The following THSD1 variants were observed in gnomAD, a reference collection of about 807,000 sequenced individuals.
The protein encoded by THSD1 is thrombospondin type 1 domain containing 1.
Under a neutral mutation model 46.3 loss-of-function variants are expected in THSD1, and 34 were observed. The ratio of observed to expected loss-of-function variants is 0.74; its 90% CI spans 0.56 to 0.98. The LOEUF is 0.98. Among genes scored for constraint, THSD1 ranks in the 50% least tolerant of loss-of-function variants. The probability of loss-of-function intolerance (pLI) is 0.00; values close to 1 mark genes in which losing one functional copy is unlikely to be tolerated. For missense variants in THSD1, 1,023 were observed against 1,058.3 expected, an observed-to-expected ratio of 0.97 and a Z score of 0.46; for synonymous variants, 407 against 416.5, an observed-to-expected ratio of 0.98 and a Z score of 0.28.
chr13:52,397,456 G>T lies in THSD1; in HGVS notation c.797C>A (p.Thr266Asn). 1.2e-6 allele frequency: 2 copies of T among 1,614,118 alleles called. No homozygotes were observed. The highest frequency in any genetic ancestry group is 1.7e-6 in the Non-Finnish European group (2 of 1,180,034). ...VEVTVLPPPCTFVQGVVTVFK... is the reference protein window; with the variant it reads ...VEVTVLPPPCNFVQGVVTVFK... Reference sequence around the variant, plus strand: ...GACAGTGACCACTCCTTGGACGAAGGTGCATGGTGGAGGCAGCACTGTCAC... The same window carrying T: ...GACAGTGACCACTCCTTGGACGAAGTTGCATGGTGGAGGCAGCACTGTCAC... The change falls in exon 3 of 5, where the codon ACC (threonine) becomes AAC (asparagine). Residue 266 changes from threonine (T) to asparagine (N), a missense_variant. Physicochemically the swap from Thr to Asn is moderately conservative, Grantham distance 65. This residue lies in a region of THSD1 where 429 missense variants were observed against 518.3 expected (regional missense o/e 0.83). Coordinates refer to ENST00000258613, the MANE Select transcript of THSD1 (RefSeq NM_018676.4).
chr13:52,382,032 T>G (rs1957697006), intron 4 of THSD1, among the ~76,000 whole-genome samples: 1 of 152,198 alleles, frequency 6.6e-6, no homozygotes, highest in South Asian at 2.1e-4. Context: ...TCTCTCTCCC[T>G]TTTGGTTTCA....
chr13:52,398,818 C>CT (rs60799430), intron 2 of THSD1, among the ~76,000 whole-genome samples: 2,029 of 152,212 alleles, frequency 0.013, 31 homozygotes, highest in African/African-American at 0.039. Context: ...ATCAAAGATT[C>CT]TGGTGTTTAG....
chr13:52,380,064 C>T (rs2137723644), intron 4 of THSD1, among the ~76,000 whole-genome samples: 1 of 152,244 alleles, frequency 6.6e-6, no homozygotes, highest in Non-Finnish European at 1.5e-5. Context: ...GCCATCCACT[C>T]CCCTTCCTAC....
At chr13:52,388,809 G>T (rs1425188670) in intron 3 of THSD1, among the ~76,000 whole-genome samples, 3 of 152,034 alleles carry the variant, frequency 2.0e-5, no homozygotes, top group African/African-American at 7.2e-5. Flanking sequence ...CATATATAAA[G>T]TAAAATTATG....
At chr13:52,402,274 A>C (rs1281441319) in intron 2 of THSD1, among the ~76,000 whole-genome samples, 2 of 152,240 alleles carry the variant, frequency 1.3e-5, no homozygotes, top group Non-Finnish European at 2.9e-5. Flanking sequence ...ACTCAAGGTA[A>C]CATGCTTGCC....
Position 52,377,742 on chromosome 13 carries a change from T to C in THSD1, c.2228A>G (p.His743Arg), listed in dbSNP as rs746731554. Residue 743 changes from histidine (H) to arginine (R), a missense_variant, in exon 5 of 5, where the codon CAC (histidine) becomes CGC (arginine). By Grantham distance (29) the His-to-Arg change is conservative (BLOSUM62 0). Coordinates refer to ENST00000258613, the MANE Select transcript of THSD1 (RefSeq NM_018676.4). ...AATTCCGGCCACTAATCCTGCCTGG[T>C]GATCCCCAAGGTCTGGTTTCCTCAA... ...QPLRKPDLGD[H>R]QAGLVAGIER... 7.4e-6 allele frequency: 12 copies of C among 1,613,828 alleles called. No individual in the cohort carries two copies. Among genetic ancestry groups the C allele is most frequent in the South Asian group, 2.2e-5 (2 of 91,068 alleles).
At chr13:52,388,733 G>A (rs1173792271) in intron 3 of THSD1, among the ~76,000 whole-genome samples, 3 of 151,974 alleles carry the variant, frequency 2.0e-5, no homozygotes, top group African/African-American at 4.8e-5. Flanking sequence ...TGCCCACCTC[G>A]GCCTCCCAAA....
rs573558706 is a variant in THSD1, at chr13:52,378,638, C to T, written c.1332G>A (p.Lys444=). ...AGTTGTGTCGAGCAGGTGTGCTGCA[C>T]TTGGCTGGCCGGCCGAACCTCCTCC... ...TLWRRFGRPA[K]CSTPARHNSI... is the part of the protein sequence containing the mutation. Residue 444 remains lysine (K), a synonymous_variant, in exon 5 of 5, where the codon AAG becomes AAA. Transcript: ENST00000258613. 2.6e-4 allele frequency: 413 copies of T among 1,614,100 alleles called. 4 individuals carry two copies. In the South Asian group the frequency reaches 4.1e-3, roughly 16 times the overall value.
intron 3 of THSD1, among the ~76,000 whole-genome samples, chr13:52,389,894 C>T (rs761657198): frequency 9.2e-5 from 14 of 152,110 alleles, no homozygotes; most frequent in Non-Finnish European, 2.1e-4. Flanking sequence ...AATACCAGCA[C>T]TCTGGGAGGC....
intron 2 of THSD1, among the ~76,000 whole-genome samples, chr13:52,402,121 T>C (rs1216372292): frequency 1.3e-5 from 2 of 152,206 alleles, no homozygotes; most frequent in Admixed American, 6.5e-5. Context: ...CTTTCAAGGA[T>C]TGAAATTCAG....
Position 52,397,270 on chromosome 13 carries a change from GA to G in THSD1, c.982del (p.Ser328LeufsTer8). ...AATTAGCATGCACTCCTCCTTTGCAGAAAAATGGCTTCTGCTTGAAATGCCA... is the reference window on the plus strand; with the variant it reads ...AATTAGCATGCACTCCTCCTTTGCAGAAAATGGCTTCTGCTTGAAATGCCA... ...DFGISSRSHF[S>X]AKEECMLIQR... On this transcript the variant is annotated frameshift_variant, in exon 3 of 5. Coordinates refer to ENST00000258613, the MANE Select transcript of THSD1 (RefSeq NM_018676.4). LOFTEE classifies it high-confidence loss of function. 1 of 1,610,164 alleles carries G rather than the reference GA, an allele frequency of 6.2e-7. No individual in the cohort carries two copies. The highest frequency in any genetic ancestry group is 8.5e-7 in the Non-Finnish European group (1 of 1,178,184).
At chr13:52,390,784 T>G (rs1157210541) in intron 3 of THSD1, among the ~76,000 whole-genome samples, 1 of 152,202 alleles carries the variant, frequency 6.6e-6, no homozygotes, top group Non-Finnish European at 1.5e-5. Context: ...CCACAAAAGG[T>G]AGAATTACAC....
chr13:52,402,428 C>A, intron 2 of THSD1, 115 bp downstream of exon 2: 1 of 897,208 alleles, frequency 1.1e-6, no homozygotes, highest in Non-Finnish European at 1.7e-6. Flanking sequence ...GAAAGCACTG[C>A]ACTATATACC....
At chr13:52,384,239 A>G (rs1957713953) in intron 4 of THSD1, 2 of 332,762 alleles carry the variant, frequency 6.0e-6, no homozygotes, top group Non-Finnish European at 1.2e-5. Context: ...ATAATATCAC[A>G]TTTCTCAAAA....
rs781501337 is a variant in THSD1 at position 52,378,705 on chromosome 13, A to G, written c.1265T>C (p.Leu422Ser). 40 of 1,613,882 alleles carry G rather than the reference A, an allele frequency of 2.5e-5. No homozygotes were observed. Among genetic ancestry groups the G allele is most frequent in the Non-Finnish European group, 3.3e-5 (39 of 1,180,042 alleles). The change falls in exon 5 of 5, where the codon TTG becomes TCG. Residue 422 changes from leucine (L) to serine (S), a missense_variant. Leu to Ser is a moderately radical substitution (Grantham distance 145, BLOSUM62 -2). Transcript: ENST00000258613. Reference sequence around the variant, plus strand: ...AGTGGCAATGATGATGAACAAGCACAAGGATATACCAGTGACAGTCACGAT... The same window carrying G: ...AGTGGCAATGATGATGAACAAGCACGAGGATATACCAGTGACAGTCACGAT... ...NNIVTVTGIS[L>S]CLFIIIATVL... is the part of the protein sequence containing the mutation.
At chr13:52,405,992 C>A (rs1385391808) in intron 1 of THSD1, 39 bp downstream of exon 1, 1 of 152,290 alleles carries the variant, frequency 6.6e-6, no homozygotes, top group Non-Finnish European at 1.5e-5. Flanking sequence ...AGTCTCGCGG[C>A]ACGGGCGCGA....
intron 4 of THSD1, chr13:52,384,408 T>A (rs1408729001): frequency 2.2e-6 from 1 of 455,690 alleles, no homozygotes; most frequent in South Asian, 1.5e-5. Context: ...ACCCTCCCTA[T>A]CCCACAGGGT....
At chr13:52,386,674 T>TG (rs1957733013) in intron 3 of THSD1, among the ~76,000 whole-genome samples, 1 of 152,106 alleles carries the variant, frequency 6.6e-6, no homozygotes, top group Admixed American at 6.5e-5. Flanking sequence ...CAAGAAGCAC[T>TG]GGGGGCAGAT....
At chr13:52,386,820 G>A (rs965634184) in intron 3 of THSD1, among the ~76,000 whole-genome samples, 2 of 152,106 alleles carry the variant, frequency 1.3e-5, no homozygotes, top group Non-Finnish European at 2.9e-5. Context: ...TTGGGGAAAG[G>A]CCTCAAACCC....
Sources: allele counts gnomAD v4.1 joint callset (sites outside exome capture counted in the v4.1 genomes callset), GRCh38; gene constraint gnomAD v4.1.1; regional missense constraint gnomAD v4.1.1; transcripts MANE v1.5; gene names NCBI Gene and HGNC (gene_info 2026-07-23, HGNC 2026-07-21).